WWOX: variants seen among roughly 807,000 people sequenced by gnomAD.
WWOX encodes the protein WW domain containing oxidoreductase.
Under a neutral mutation model 46.2 loss-of-function variants are expected in WWOX, and 69 were observed. The ratio of observed to expected loss-of-function variants is 1.49; its 90% CI spans 1.23 to 1.82. The LOEUF (loss-of-function observed/expected upper bound fraction) is 1.82, where lower values mean the gene tolerates loss of function less well. Among genes scored for constraint, WWOX ranks in the 40% most tolerant of loss-of-function variants. The pLI, the probability that WWOX is intolerant of heterozygous loss-of-function variation, is 0.00. For missense variants in WWOX, 919 were observed against 542.6 expected (o/e 1.69, Z -6.89); for synonymous variants, 359 against 202.6 (o/e 1.77, Z -6.56).
In WWOX at chr16:78,126,772, G is replaced by A. The variant is rs369658070; in HGVS notation, c.409+11618G>A. 1.7e-3 allele frequency among the ~76,000 whole-genome samples: 254 copies of A among 152,204 alleles called. 4 individuals carry two copies. The South Asian group carries it at 0.048, about 28-fold the overall frequency. On this transcript the variant is annotated intron_variant, in intron 4 of 8. Coordinates refer to ENST00000566780, the MANE Select transcript of WWOX (RefSeq NM_016373.4). ...CAAAGGCACTGTTGCTTTGGTACCC[G>A]CATTTAAGGAGGGAATACCCCAAAA...
intron 8 of WWOX, among the ~76,000 whole-genome samples, chr16:78,761,257 G>C: frequency 6.6e-6 from 1 of 152,140 alleles, no homozygotes; most frequent in East Asian, 1.9e-4. Flanking sequence ...ATAAGCAAAA[G>C]AGTTCAGAAA....
chr16:79,098,860 T>C (rs999762414), intron 8 of WWOX, among the ~76,000 whole-genome samples: 1 of 152,234 alleles, frequency 6.6e-6, no homozygotes, highest in Non-Finnish European at 1.5e-5. Context: ...CTTTTAAAAT[T>C]TCTACTTCTG....
intron 8 of WWOX, among the ~76,000 whole-genome samples, chr16:79,091,366 C>G (rs184792390): frequency 1.3e-5 from 2 of 152,070 alleles, no homozygotes; most frequent in African/African-American, 4.8e-5. Flanking sequence ...TGTTGAAGCT[C>G]TTTCACTGCT....
At chr16:78,876,838 T>C (rs752937610) in intron 8 of WWOX, among the ~76,000 whole-genome samples, 1 of 152,218 alleles carries the variant, frequency 6.6e-6, no homozygotes, top group Non-Finnish European at 1.5e-5. Context: ...CTTAACAGCT[T>C]GGCAAACCCA....
chr16:78,796,827 C>CTTTTT (rs530486192), intron 8 of WWOX, among the ~76,000 whole-genome samples: 1 of 133,134 alleles, frequency 7.5e-6, no homozygotes, highest in Admixed American at 7.6e-5. Context: ...TTATCTTCTT[C>CTTTTT]TTTTTTTTTT....
intron 6 of WWOX, among the ~76,000 whole-genome samples, chr16:78,406,630 T>G (rs1323464365): frequency 6.7e-6 from 1 of 149,652 alleles, no homozygotes; most frequent in Non-Finnish European, 1.5e-5. Context: ...ATATACATTT[T>G]TTTTTTTTTT....
At chr16:79,188,707 C>A (rs533133937) in intron 8 of WWOX, among the ~76,000 whole-genome samples, 1 of 152,346 alleles carries the variant, frequency 6.6e-6, no homozygotes, top group South Asian at 2.1e-4. Flanking sequence ...GCACAAAGTC[C>A]TGATGTTTAA....
intron 8 of WWOX, among the ~76,000 whole-genome samples, chr16:78,862,591 A>G (rs763765688): frequency 3.1e-4 from 47 of 152,278 alleles, no homozygotes; most frequent in Non-Finnish European, 3.5e-4. Flanking sequence ...ACCCAGGACA[A>G]CCAATGGTAC....
chr16:79,117,160 T>A (rs2049533129), intron 8 of WWOX, among the ~76,000 whole-genome samples: 1 of 152,120 alleles, frequency 6.6e-6, no homozygotes, highest in South Asian at 2.1e-4. Flanking sequence ...TACAGGCACA[T>A]GCCACTAGGC....
intron 5 of WWOX, among the ~76,000 whole-genome samples, chr16:78,385,146 C>CACACACACACAA (rs2082035127): frequency 6.6e-6 from 1 of 151,484 alleles, no homozygotes; most frequent in East Asian, 1.9e-4. Flanking sequence ...CACACACACA[C>CACACACACACAA]ACACACACAC....
intron 5 of WWOX, among the ~76,000 whole-genome samples, chr16:78,334,492 G>C (rs540330291): frequency 2.0e-5 from 3 of 152,080 alleles, no homozygotes; most frequent in African/African-American, 7.2e-5. Flanking sequence ...ACAATTCATA[G>C]CCTAATGGCA....
chr16:78,910,679 C>G lies in WWOX; in HGVS notation c.1057-300929C>G, dbSNP rs146572417. 0.015 allele frequency among the ~76,000 whole-genome samples: 2,304 copies of G among 152,026 alleles called. 196 individuals are homozygous for G. The East Asian group carries it at 0.22, about 15-fold the overall frequency. Reference sequence around the variant, plus strand: ...AGAAGGCAAACAAGGAGCAAAGTCACATCTTACATGGTGGCAGGCAAGAGA... The same window carrying G: ...AGAAGGCAAACAAGGAGCAAAGTCAGATCTTACATGGTGGCAGGCAAGAGA... On this transcript the variant is annotated intron_variant, in intron 8 of 8. Transcript: ENST00000566780.
intron 8 of WWOX, among the ~76,000 whole-genome samples, chr16:78,762,942 A>G (rs2049829280): frequency 6.6e-6 from 1 of 152,218 alleles, no homozygotes; most frequent in Non-Finnish European, 1.5e-5. Context: ...ACGACAAACA[A>G]CAATCACAAC....
intron 8 of WWOX, among the ~76,000 whole-genome samples, chr16:78,565,060 C>T (rs2044531995): frequency 6.6e-6 from 1 of 152,260 alleles, no homozygotes; most frequent in East Asian, 1.9e-4. Context: ...TGTTCTCTCC[C>T]CAGCAACTAT....
chr16:78,713,489 A>T (rs1282201646), intron 8 of WWOX, among the ~76,000 whole-genome samples: 1 of 151,934 alleles, frequency 6.6e-6, no homozygotes, highest in Non-Finnish European at 1.5e-5. Flanking sequence ...TCATAATGTT[A>T]CTCTATTTGG....
At chr16:78,342,392 A>G (rs1180102495) in intron 5 of WWOX, among the ~76,000 whole-genome samples, 1 of 121,262 alleles carries the variant, frequency 8.2e-6, no homozygotes, top group Admixed American at 8.0e-5. Context: ...TCTTGGAGCT[A>G]CACTCTAAAA....
At chr16:78,212,252 A>T (rs1461426256) in intron 5 of WWOX, among the ~76,000 whole-genome samples, 3 of 152,124 alleles carry the variant, frequency 2.0e-5, no homozygotes, top group Admixed American at 1.3e-4. Context: ...GGGGGGATTG[A>T]TTTCTTCTCT....
intron 8 of WWOX, among the ~76,000 whole-genome samples, chr16:78,835,397 A>G (rs2051950634): frequency 6.6e-6 from 1 of 152,220 alleles, no homozygotes. Context: ...TAAAGGGGCC[A>G]GCAACAAAAA....
intron 8 of WWOX, among the ~76,000 whole-genome samples, chr16:78,594,974 A>G (rs1240295605): frequency 6.6e-6 from 1 of 152,180 alleles, no homozygotes; most frequent in African/African-American, 2.4e-5. Flanking sequence ...CAATAACCCT[A>G]TCCTTACTGT....
Sources: allele counts gnomAD v4.1 joint callset (sites outside exome capture counted in the v4.1 genomes callset), GRCh38; gene constraint gnomAD v4.1.1; transcripts MANE v1.5; gene names NCBI Gene and HGNC (gene_info 2026-07-23, HGNC 2026-07-21).